PREPL: variants seen among roughly 807,000 people sequenced by gnomAD.
PREPL encodes the protein prolyl endopeptidase-like.
A neutral mutation model predicts 70.6 loss-of-function variants in PREPL; 77 were observed. The observed-to-expected ratio is 1.09, with a 90% CI of 0.91 to 1.32. The LOEUF (loss-of-function observed/expected upper bound fraction) is 1.32. Ranked by LOEUF, PREPL falls within the 40% of genes most tolerant of loss-of-function variation. The pLI is 0.00. For synonymous variants in PREPL, 315 were observed against 264.8 expected (o/e 1.19, Z -1.84); for missense variants, 1,002 against 778.2 (o/e 1.29, Z -3.42).
Position 44,339,298 on chromosome 2 carries a change from G to T in PREPL, c.551C>A (p.Thr184Asn). Residue 184 changes from threonine to asparagine, a missense_variant, in exon 6 of 14, where the codon ACT becomes AAT. By Grantham distance (65) the Thr-to-Asn change is moderately conservative. Coordinates refer to ENST00000409411, the MANE Select transcript of PREPL (RefSeq NM_001171613.2). ...RFLTINIMNK[T>N]TSEVWLIDGL... The stretch of plus-strand genomic sequence containing the variant: ...ATCTATCAACCACACTTCAGAAGTA[G>T]TCTTGTTCATAATATTTATGGTGAG... The T allele has an allele frequency of 6.2e-7, 1 of 1,614,050 alleles. No individual in the cohort carries two copies. The highest frequency in any genetic ancestry group is 8.5e-7 in the Non-Finnish European group (1 of 1,180,002).
In PREPL at chr2:44,319,336, C is replaced by T. The variant is rs1558476431; in HGVS notation, c.*2020G>A. On this transcript the variant is annotated 3_prime_UTR_variant, in exon 14 of 14. Transcript: ENST00000409411. The stretch of plus-strand genomic sequence containing the variant: ...GCATTATGTATCAAGTGCCCATACT[C>T]TTTGACAAAGTAACTGTCTTTCTGA... 1 of 152,576 alleles carries T rather than the reference C, an allele frequency of 6.6e-6. No homozygotes were observed. 9.5% of individuals were successfully genotyped at this position (152,576 alleles called of 1,614,324 possible).
upstream of PREPL, chr2:44,361,805 T>C (rs769209035): frequency 3.8e-5 from 38 of 991,946 alleles, no homozygotes; most frequent in Non-Finnish European, 5.1e-5. Context: ...CCAGCAAGAA[T>C]GGTGCAATGG....
intron 7 of PREPL, among the ~76,000 whole-genome samples, chr2:44,337,101 T>TC (rs1156276243): frequency 6.6e-6 from 1 of 152,134 alleles, no homozygotes; most frequent in African/African-American, 2.4e-5. Flanking sequence ...CATGACTTCA[T>TC]CCCCCAGAAA....
chr2:44,334,718 G>C (rs1441730993), intron 7 of PREPL, among the ~76,000 whole-genome samples: 2 of 152,024 alleles, frequency 1.3e-5, no homozygotes, highest in Non-Finnish European at 2.9e-5. Context: ...GCTAGTTTTT[G>C]TATTTTTAGT....
chr2:44,359,900 A>C, intron 1 of PREPL: 1 of 559,590 alleles, frequency 1.8e-6, no homozygotes, highest in Non-Finnish European at 3.2e-6. Flanking sequence ...TAGGCTAACT[A>C]AATCTAAAAA....
intron 9 of PREPL, among the ~76,000 whole-genome samples, chr2:44,328,118 G>A (rs143730113): frequency 4.6e-5 from 7 of 151,430 alleles, no homozygotes; most frequent in East Asian, 1.9e-4. Context: ...AAACCCCATC[G>A]CTACAAAAAT....
intron 1 of PREPL, among the ~76,000 whole-genome samples, chr2:44,353,652 G>C (rs1328813274): frequency 6.6e-6 from 1 of 151,838 alleles, no homozygotes; most frequent in East Asian, 1.9e-4. Context: ...GTGTAGTACT[G>C]GCATAACGAC....
Position 44,332,600 on chromosome 2 carries a change from G to A in PREPL, c.945C>T (p.Cys315=). 1 of 1,613,912 alleles carries A rather than the reference G, an allele frequency of 6.2e-7. No homozygotes were observed. Among genetic ancestry groups the A allele is most frequent in the Non-Finnish European group, 8.5e-7 (1 of 1,179,824 alleles). ...IMDTNSDPKN[C]PFQLCSPIRP... is the part of the protein sequence containing the mutation. ...GTATTGGAGAGCAAAGTTGAAAGGG[G>A]CAGTTCTTTGGGTCAGAATTTGTAT... Residue 315 remains cysteine, a synonymous_variant, in exon 8 of 14, where the codon TGC becomes TGT. Transcript: ENST00000409411.
chr2:44,322,883 T>C (rs1673120071), intron 11 of PREPL, 29 bp from the exon 12 acceptor site: 2 of 1,608,294 alleles, frequency 1.2e-6, no homozygotes, highest in Non-Finnish European at 1.7e-6. Flanking sequence ...ACGAAGAGTT[T>C]ACATTATTTC....
chr2:44,320,325 T>C lies in PREPL; in HGVS notation c.*1031A>G, dbSNP rs776729515. 16 of 1,614,038 alleles carry C rather than the reference T, an allele frequency of 9.9e-6. No homozygotes were observed. Among genetic ancestry groups the C allele is most frequent in the Non-Finnish European group, 1.3e-5 (15 of 1,179,996 alleles). ...GAGGAATGACAGCCACTATGTTGTG[T>C]ACACAAGAGAGCTGGATGGCATCGA... On this transcript the variant is annotated 3_prime_UTR_variant, in exon 14 of 14. Coordinates refer to ENST00000409411, the MANE Select transcript of PREPL (RefSeq NM_001171613.2).
rs748348034 is a variant in PREPL, at chr2:44,343,757, C to T, written c.337G>A (p.Val113Met). Residue 113 changes from valine to methionine, a missense_variant, in exon 4 of 14, where the codon GTG (valine) becomes ATG (methionine). Transcript: ENST00000409411. ...QPVMEASFPN[V>M]SSFEWVKDEE... Reference sequence around the variant, plus strand: ...GTTGGTGGCTTACCAAAACTGGACACATTCGGGAAAGAAGCTTCCATTACG... The same window carrying T: ...GTTGGTGGCTTACCAAAACTGGACATATTCGGGAAAGAAGCTTCCATTACG... 5 of 1,613,296 alleles carry T rather than the reference C, an allele frequency of 3.1e-6. No individual in the cohort carries two copies. The highest frequency in any genetic ancestry group is 1.1e-5 in the South Asian group (1 of 91,074).
Position 44,321,874 on chromosome 2 carries a change from C to G in PREPL, c.1780G>C (p.Asp594His), listed in dbSNP as rs764767440. The part of the protein sequence containing the change: ...EGYQTPNIIL[D>H]IQPGGNHVIE... ...ACATGATTGCCTCCAGGCTGAATAT[C>G]TAGAATAATATTAGGGGTCTGATAG... The change falls in exon 13 of 14, where the codon GAT (aspartate) becomes CAT (histidine). Residue 594 changes from aspartate (D) to histidine (H), a missense_variant. Physicochemically the swap from Asp to His is moderately conservative, Grantham distance 81. Coordinates refer to ENST00000409411, the MANE Select transcript of PREPL (RefSeq NM_001171613.2). 6.2e-7 allele frequency: 1 copy of G among 1,613,500 alleles called. No individual in the cohort carries two copies. The highest frequency in any genetic ancestry group is 8.5e-7 in the Non-Finnish European group (1 of 1,179,590).
At position 44,359,489 on chromosome 2, in the gene PREPL, G is replaced by T. The variant is rs565330445; in HGVS notation, c.-49+1891C>A. ...ACCTACAAATAGGTTAACTTAAACAGTCCATACCTTACATGAGAAGCTCCG... is the reference window on the plus strand; with the variant it reads ...ACCTACAAATAGGTTAACTTAAACATTCCATACCTTACATGAGAAGCTCCG... On this transcript the variant is annotated intron_variant, in intron 1 of 13. Transcript: ENST00000409411. 11 of 1,587,328 alleles carry T rather than the reference G, an allele frequency of 6.9e-6. No individual in the cohort carries two copies. The highest frequency in any genetic ancestry group is 2.7e-5 in the African/African-American group (2 of 74,240).
intron 2 of PREPL, among the ~76,000 whole-genome samples, chr2:44,345,807 A>T (rs1055180864): frequency 6.6e-6 from 1 of 152,166 alleles, no homozygotes; most frequent in African/African-American, 2.4e-5. Flanking sequence ...ACAAAGTATG[A>T]ACTACTTTCA....
chr2:44,322,871 G>A lies in PREPL; in HGVS notation c.1630-17C>T, dbSNP rs1424472773. On this transcript the variant is annotated splice_polypyrimidine_tract_variant and intron_variant, in intron 11 of 13. Transcript: ENST00000409411. ...AGGATAATGCTGAAAGAAAATACAT[G>A]CACGAAGAGTTTACATTATTTCTTA... 5 of 1,611,074 alleles carry A rather than the reference G, an allele frequency of 3.1e-6. No homozygotes were observed. The highest frequency in any genetic ancestry group is 3.4e-6 in the Non-Finnish European group (4 of 1,178,746).
chr2:44,324,427 A>T (rs1172151397), intron 10 of PREPL, among the ~76,000 whole-genome samples: 2 of 152,244 alleles, frequency 1.3e-5, no homozygotes, highest in East Asian at 3.8e-4. Flanking sequence ...AAAAATTTTT[A>T]AATGAAAAAA....
intron 8 of PREPL, among the ~76,000 whole-genome samples, chr2:44,331,390 A>T (rs1674069205): frequency 6.6e-6 from 1 of 151,834 alleles, no homozygotes; most frequent in Non-Finnish European, 1.5e-5. Flanking sequence ...AATTTTTTGT[A>T]TTTTTAGTAG....
chr2:44,333,593 G>T (rs964522749), intron 7 of PREPL, among the ~76,000 whole-genome samples: 2 of 150,636 alleles, frequency 1.3e-5, no homozygotes, highest in African/African-American at 2.4e-5. Flanking sequence ...ACTACAGCCA[G>T]AGTTTACGTT....
intron 10 of PREPL, among the ~76,000 whole-genome samples, chr2:44,324,560 T>A (rs752426207): frequency 6.6e-6 from 1 of 152,204 alleles, no homozygotes; most frequent in African/African-American, 2.4e-5. Context: ...CATTGGCTTA[T>A]AATTAGTGTT....
Sources: gnomAD v4.1 joint callset for allele counts (sites outside exome capture counted in the v4.1 genomes callset) on GRCh38, gnomAD v4.1.1 for gene constraint, MANE v1.5 for transcripts, NCBI Gene and HGNC (gene_info 2026-07-23, HGNC 2026-07-21) for gene names.